The following NAV1 variants were observed in gnomAD, a reference collection of about 807,000 sequenced individuals.
NAV1 encodes the protein neuron navigator 1.
NAV1 carries 18 observed loss-of-function variants against 175.2 expected under a neutral mutation model. That is an observed-to-expected ratio of 0.10 (90% CI 0.07 to 0.15). NAV1 has a LOEUF of 0.15. Ranked by LOEUF, NAV1 falls within the 10% of genes least tolerant of loss-of-function variation. The pLI is 1.00. For missense variants in NAV1, 1,731 were observed against 2,436.6 expected, an observed-to-expected ratio of 0.71 and a Z score of 6.10; for synonymous variants, 897 against 978.7, an observed-to-expected ratio of 0.92 and a Z score of 1.56.
At chr1:201,665,069 C>A (rs1426702570) in intron 1 of NAV1, among the ~76,000 whole-genome samples, 1 of 152,150 alleles carries the variant, frequency 6.6e-6, no homozygotes, top group African/African-American at 2.4e-5. Flanking sequence ...TCGGTTTGCA[C>A]GCTGTCTGCC....
intron 2 of NAV1, among the ~76,000 whole-genome samples, chr1:201,593,246 T>C (rs1042516072): frequency 7.2e-5 from 11 of 152,218 alleles, no homozygotes; most frequent in African/African-American, 2.2e-4. Context: ...CGTCTCCAGC[T>C]TCAGGCCCTA....
intron 2 of NAV1, among the ~76,000 whole-genome samples, chr1:201,594,945 C>A (rs1354438302): frequency 1.3e-5 from 2 of 152,246 alleles, no homozygotes; most frequent in African/African-American, 4.8e-5. Flanking sequence ...GGCATCTGGG[C>A]TAAGCATTAG....
chr1:201,642,557 T>TTCTTTTTTTCTTTCTTTC (rs1668819760), intron 2 of NAV1, among the ~76,000 whole-genome samples: 2 of 106,016 alleles, frequency 1.9e-5, no homozygotes, highest in Admixed American at 9.5e-5. Context: ...TTCTTTCTTT[T>TTCTTTTTTTCTTTCTTTC]TTCCCTTTCT....
intron 1 of NAV1, among the ~76,000 whole-genome samples, chr1:201,566,171 A>G (rs1362097068): frequency 6.6e-6 from 1 of 151,604 alleles, no homozygotes; most frequent in Non-Finnish European, 1.5e-5. Flanking sequence ...ACGCTTGCCC[A>G]CCTCTTTCAG....
intron 1 of NAV1, among the ~76,000 whole-genome samples, chr1:201,553,055 CTG>C (rs1357161292): frequency 6.6e-6 from 1 of 152,196 alleles, no homozygotes; most frequent in Non-Finnish European, 1.5e-5. Flanking sequence ...CTGGCCCAGG[CTG>C]TGTTTCCAGG....
At chr1:201,754,054 T>C (rs374920384) in intron 3 of NAV1, among the ~76,000 whole-genome samples, 38 of 152,302 alleles carry the variant, frequency 2.5e-4, no homozygotes, top group African/African-American at 9.1e-4. Context: ...TTTTTTTCCA[T>C]ATTGCCTTCT....
chr1:201,561,442 T>G (rs1666197047), intron 1 of NAV1, among the ~76,000 whole-genome samples: 1 of 152,222 alleles, frequency 6.6e-6, no homozygotes, highest in South Asian at 2.1e-4. Context: ...TGTTACTTAC[T>G]TACTTACTAG....
chr1:201,739,887 G>T, intron 3 of NAV1: 1 of 1,285,630 alleles, frequency 7.8e-7, no homozygotes, highest in South Asian at 2.8e-5. Context: ...GGAGCGGAGG[G>T]CAGGCGAGGG....
chr1:201,546,513 G>A (rs888073964), intron 1 of NAV1, among the ~76,000 whole-genome samples: 1 of 152,174 alleles, frequency 6.6e-6, no homozygotes, highest in African/African-American at 2.4e-5. Flanking sequence ...GTGAAAGACT[G>A]ACTAGTACGA....
chr1:201,606,887 C>A (rs1262849795), intron 2 of NAV1, among the ~76,000 whole-genome samples: 1 of 152,214 alleles, frequency 6.6e-6, no homozygotes. Context: ...GGAGGACAAA[C>A]AACTCGGTTA....
At chr1:201,683,504 G>A (rs1458892373) in intron 1 of NAV1, among the ~76,000 whole-genome samples, 2 of 151,736 alleles carry the variant, frequency 1.3e-5, no homozygotes, top group African/African-American at 4.8e-5. Context: ...GTTCACAATA[G>A]GGTTCACCTT....
intron 3 of NAV1, among the ~76,000 whole-genome samples, chr1:201,760,182 G>A (rs1041154297): frequency 2.6e-5 from 4 of 152,214 alleles, no homozygotes; most frequent in East Asian, 1.9e-4. Context: ...ATATAACCTG[G>A]TGGCTGGGCA....
At chr1:201,662,451 C>G (rs181553216) in intron 1 of NAV1, among the ~76,000 whole-genome samples, 62 of 152,348 alleles carry the variant, frequency 4.1e-4, no homozygotes, top group African/African-American at 1.5e-3. Context: ...TGGCCTTGGC[C>G]TGGAGCCCTA....
At chr1:201,739,545 G>C (rs1260890411) in intron 3 of NAV1, 4 of 155,046 alleles carry the variant, frequency 2.6e-5, no homozygotes, top group Non-Finnish European at 1.4e-5. Context: ...CCGTGCCCCA[G>C]AGAGAAGTGG....
chr1:201,723,098 G>A (rs1384820895), intron 3 of NAV1, among the ~76,000 whole-genome samples: 6 of 152,176 alleles, frequency 3.9e-5, no homozygotes, highest in Non-Finnish European at 5.9e-5. Flanking sequence ...GCGACAGAGC[G>A]AGACTCCAAC....
chr1:201,648,201 GGCTGGCTGGCTGAGTGCGGCCGGGGC>G (rs1669042007), upstream of NAV1: 1 of 993,290 alleles, frequency 1.0e-6, no homozygotes, highest in Non-Finnish European at 1.2e-6. Flanking sequence ...GACTCGGGCT[GGCTGGCTGGCTGAGTGCGGCCGGGGC>G]GCTGCCCGGC....
chr1:201,645,729 A>G (rs1371269271), upstream of NAV1, among the ~76,000 whole-genome samples: 1 of 127,538 alleles, frequency 7.8e-6, no homozygotes, highest in African/African-American at 3.0e-5. Flanking sequence ...GATGGTAGCC[A>G]GTGAATTTCC....
intron 2 of NAV1, among the ~76,000 whole-genome samples, chr1:201,635,344 C>T (rs1668590978): frequency 2.6e-5 from 4 of 152,168 alleles, no homozygotes; most frequent in African/African-American, 7.2e-5. Context: ...TGCACCCAAC[C>T]CATTTGCCAA....
chr1:201,781,372 T>C (rs1360065114), intron 5 of NAV1, 63 bp downstream of exon 9: 4 of 1,451,180 alleles, frequency 2.8e-6, no homozygotes, highest in Admixed American at 2.5e-5. Flanking sequence ...CTCCTCTTCT[T>C]AGTGGTCATT....
Sources: gnomAD v4.1 joint callset for allele counts (sites outside exome capture counted in the v4.1 genomes callset) on GRCh38, gnomAD v4.1.1 for gene constraint, MANE v1.5 for transcripts, NCBI Gene and HGNC (gene_info 2026-07-23, HGNC 2026-07-21) for gene names.